The following UBE2D2 variants were observed in gnomAD, a reference collection of about 807,000 sequenced individuals.
UBE2D2 encodes ubiquitin conjugating enzyme E2 D2.
UBE2D2 carries 2 observed loss-of-function variants against 24.2 expected under a neutral mutation model. The observed-to-expected ratio is 0.08, with a 90% CI of 0.03 to 0.26. UBE2D2 has a LOEUF of 0.26. Ranked by LOEUF, UBE2D2 falls within the 10% of genes least tolerant of loss-of-function variation. The probability of loss-of-function intolerance (pLI) is 1.00; values close to 1 mark genes in which losing one functional copy is unlikely to be tolerated. For synonymous variants in UBE2D2, 58 were observed against 56.5 expected (o/e 1.03, Z -0.12); for missense variants, 44 against 177.6 (o/e 0.25, Z 4.28).
intron 1 of UBE2D2, among the ~76,000 whole-genome samples, chr5:139,580,277 C>G (rs1753567943): frequency 6.6e-6 from 1 of 151,982 alleles, no homozygotes; most frequent in African/African-American, 2.4e-5. Context: ...GTTGCCCAGG[C>G]TGGTCTCGAA....
At chr5:139,560,329 C>CT (rs994170165), upstream of UBE2D2, among the ~76,000 whole-genome samples, 3 of 152,018 alleles carry the variant, frequency 2.0e-5, no homozygotes, top group African/African-American at 7.2e-5. Context: ...TCCCGAGTAG[C>CT]TGGGACTACA....
At chr5:139,601,851 AG>A (rs1309300477) in intron 2 of UBE2D2, among the ~76,000 whole-genome samples, 1 of 151,292 alleles carries the variant, frequency 6.6e-6, no homozygotes, top group East Asian at 2.0e-4. Flanking sequence ...CAGAGGTTGC[AG>A]TGAGCTGAGA....
At chr5:139,535,220 G>A (rs1254637400) in intron 1 of UBE2D2, among the ~76,000 whole-genome samples, 3 of 151,598 alleles carry the variant, frequency 2.0e-5, no homozygotes, top group Admixed American at 2.0e-4. Context: ...GCAGAGGCAG[G>A]TGGGTCACGA....
At chr5:139,625,424 A>ACCCCCCCCC (rs1561523477) in intron 6 of UBE2D2, among the ~76,000 whole-genome samples, 1 of 19,528 alleles carries the variant, frequency 5.1e-5, no homozygotes. Flanking sequence ...CAGCATACCC[A>ACCCCCCCCC]CCCCCACCCC....
At chr5:139,545,592 A>G (rs1329902466) in intron 1 of UBE2D2, among the ~76,000 whole-genome samples, 1 of 150,930 alleles carries the variant, frequency 6.6e-6, no homozygotes, top group Non-Finnish European at 1.5e-5. Context: ...TGCCCAGCTA[A>G]TTTTTGTATT....
intron 1 of UBE2D2, among the ~76,000 whole-genome samples, chr5:139,546,887 TTTC>T (rs1752838375): frequency 1.3e-5 from 2 of 151,364 alleles, no homozygotes; most frequent in Admixed American, 1.3e-4. Flanking sequence ...TCCTTCTTTC[TTTC>T]TTTTCTTTCT....
At chr5:139,597,235 C>A (rs1219205349) in intron 1 of UBE2D2, among the ~76,000 whole-genome samples, 2 of 152,182 alleles carry the variant, frequency 1.3e-5, no homozygotes, top group African/African-American at 4.8e-5. Context: ...CTCCAACTCC[C>A]TCCAGCCACT....
chr5:139,592,411 A>G (rs1482023514), intron 1 of UBE2D2, among the ~76,000 whole-genome samples: 1 of 152,008 alleles, frequency 6.6e-6, no homozygotes, highest in African/African-American at 2.4e-5. Flanking sequence ...GGTGTGCATT[A>G]TAATTCCTTG....
At chr5:139,532,553 A>G (rs1018526312) in intron 1 of UBE2D2, among the ~76,000 whole-genome samples, 4 of 151,910 alleles carry the variant, frequency 2.6e-5, no homozygotes, top group Non-Finnish European at 5.9e-5. Context: ...GAGTTTCACC[A>G]TATTAGCCAG....
At chr5:139,550,725 C>T (rs1752905820) in intron 1 of UBE2D2, among the ~76,000 whole-genome samples, 1 of 151,936 alleles carries the variant, frequency 6.6e-6, no homozygotes, top group Admixed American at 6.6e-5. Flanking sequence ...GAATGAGTAA[C>T]TCCAGACGCG....
At chr5:139,544,515 TC>T (rs1259606035) in intron 1 of UBE2D2, among the ~76,000 whole-genome samples, 3 of 151,694 alleles carry the variant, frequency 2.0e-5, no homozygotes, top group African/African-American at 7.3e-5. Context: ...GGCCTTGAAC[TC>T]TTGACCTCAG....
intron 1 of UBE2D2, among the ~76,000 whole-genome samples, chr5:139,598,959 G>A (rs1157232826): frequency 8.0e-5 from 7 of 87,194 alleles, no homozygotes; most frequent in East Asian, 3.3e-4. Context: ...ACAAAGTCTC[G>A]TTCTGTTGTC....
chr5:139,578,133 G>C (rs1336212119), intron 1 of UBE2D2, among the ~76,000 whole-genome samples: 1 of 152,144 alleles, frequency 6.6e-6, no homozygotes, highest in African/African-American at 2.4e-5. Flanking sequence ...AGTGGGTAGA[G>C]AGCAGAGACC....
intron 1 of UBE2D2, among the ~76,000 whole-genome samples, chr5:139,576,656 T>C (rs355162): frequency 0.4 from 61,298 of 151,866 alleles, 14,993 homozygotes; most frequent in African/African-American, 0.69. Context: ...TATGAGCCAC[T>C]GCGCCCAGCC....
chr5:139,584,461 CAAA>C (rs1213214146), intron 1 of UBE2D2, among the ~76,000 whole-genome samples: 1 of 151,152 alleles, frequency 6.6e-6, no homozygotes, highest in Admixed American at 6.6e-5. Flanking sequence ...CTAAAGTACT[CAAA>C]GAAACTCCTT....
At chr5:139,531,846 G>A (rs776204753) in intron 1 of UBE2D2, among the ~76,000 whole-genome samples, 3 of 151,872 alleles carry the variant, frequency 2.0e-5, no homozygotes, top group African/African-American at 7.3e-5. Flanking sequence ...AACCAGGTGG[G>A]TATAGTGGAA....
At chr5:139,579,541 T>C (rs1183252128) in intron 1 of UBE2D2, among the ~76,000 whole-genome samples, 1 of 152,058 alleles carries the variant, frequency 6.6e-6, no homozygotes, top group Admixed American at 6.6e-5. Context: ...CCGCCCACCT[T>C]GGCCTCCCAA....
intron 1 of UBE2D2, among the ~76,000 whole-genome samples, chr5:139,567,529 G>GTT (rs33998713): frequency 0.021 from 2,110 of 100,066 alleles, 138 homozygotes; most frequent in African/African-American, 0.068. Flanking sequence ...AATTTGCTAA[G>GTT]TTTTTTTTTT....
intron 1 of UBE2D2, among the ~76,000 whole-genome samples, chr5:139,539,459 A>G (rs1752728148): frequency 6.6e-6 from 1 of 152,196 alleles, no homozygotes; most frequent in Admixed American, 6.5e-5. Context: ...GTGTGATTCT[A>G]AAGAGATGAC....
Sources: gnomAD v4.1 joint callset for allele counts (sites outside exome capture counted in the v4.1 genomes callset) on GRCh38, gnomAD v4.1.1 for gene constraint, MANE v1.5 for transcripts, NCBI Gene and HGNC (gene_info 2026-07-23, HGNC 2026-07-21) for gene names.